The following MTUS2 variants were observed in gnomAD, a reference collection of about 807,000 sequenced individuals.
The protein encoded by MTUS2 is microtubule associated scaffold protein 2.
In MTUS2, 40 loss-of-function variants were observed where a neutral mutation model predicts 114.1. The ratio of observed to expected loss-of-function variants is 0.35; its 90% CI spans 0.27 to 0.46. The LOEUF (loss-of-function observed/expected upper bound fraction) is 0.46, where lower values mean the gene tolerates loss of function less well. Ranked by LOEUF, MTUS2 falls within the 20% of genes least tolerant of loss-of-function variation. MTUS2 has a pLI of 1.00. For missense variants in MTUS2, 1,679 were observed against 1,705.4 expected, an observed-to-expected ratio of 0.98 and a Z score of 0.27; for synonymous variants, 688 against 672.0, an observed-to-expected ratio of 1.02 and a Z score of -0.37.
At position 29,016,647 on chromosome 13, in the gene MTUS2, T is replaced by G. The variant is rs554907426; in HGVS notation, c.-242-7810T>G. Among the ~76,000 whole-genome samples, 10 of 152,280 alleles carry G rather than the reference T, an allele frequency of 6.6e-5. No homozygotes were observed. The South Asian group carries it at 1.0e-3, about 16-fold the overall frequency. On this transcript the variant is annotated intron_variant, in intron 2 of 15. Transcript: ENST00000612955. ...TTCTACCCTACTCTTCTTTACTACTTTCTACTCATTTTATGTAAAATAAAA... is the reference window on the plus strand; with the variant it reads ...TTCTACCCTACTCTTCTTTACTACTGTCTACTCATTTTATGTAAAATAAAA...
chr13:28,956,431 A>G (rs1478043298), intron 2 of MTUS2, among the ~76,000 whole-genome samples: 1 of 152,018 alleles, frequency 6.6e-6, no homozygotes, highest in Non-Finnish European at 1.5e-5. Flanking sequence ...CTCCACCCCC[A>G]CTGGAGGTTG....
intron 2 of MTUS2, among the ~76,000 whole-genome samples, chr13:28,899,425 T>G (rs760289887): frequency 1.3e-5 from 2 of 152,244 alleles, no homozygotes; most frequent in Admixed American, 6.5e-5. Flanking sequence ...TTTCTTTTTT[T>G]TTGAGACATA....
chr13:28,990,993 G>T (rs537058493), intron 2 of MTUS2, among the ~76,000 whole-genome samples: 1 of 152,260 alleles, frequency 6.6e-6, no homozygotes, highest in Non-Finnish European at 1.5e-5. Context: ...TGAAGTCAGC[G>T]AGACCAACAA....
intron 5 of MTUS2, among the ~76,000 whole-genome samples, chr13:29,200,156 CT>C (rs1025748570): frequency 2.0e-5 from 3 of 151,520 alleles, no homozygotes; most frequent in Non-Finnish European, 2.9e-5. Flanking sequence ...GATTCATTGA[CT>C]TTTTTTTAAG....
intron 5 of MTUS2, among the ~76,000 whole-genome samples, chr13:29,145,240 G>A (rs1175394742): frequency 6.6e-6 from 1 of 152,134 alleles, no homozygotes; most frequent in Non-Finnish European, 1.5e-5. Context: ...TCATAAATGA[G>A]TAAGGACACA....
chr13:28,872,490 A>C (rs9550409), intron 2 of MTUS2, among the ~76,000 whole-genome samples: 22,475 of 152,190 alleles, frequency 0.15, 1,902 homozygotes, highest in African/African-American at 0.21. Context: ...TATAAAGGAA[A>C]AAATATTTAT....
intron 8 of MTUS2, among the ~76,000 whole-genome samples, chr13:29,360,971 A>G (rs931471566): frequency 1.3e-5 from 2 of 152,188 alleles, no homozygotes; most frequent in African/African-American, 4.8e-5. Context: ...GGACAAAGCA[A>G]TAGATATTGA....
intron 9 of MTUS2, among the ~76,000 whole-genome samples, chr13:29,479,517 T>C (rs1880985561): frequency 6.6e-6 from 1 of 151,974 alleles, no homozygotes; most frequent in South Asian, 2.1e-4. Context: ...TGATTAGGGG[T>C]GGAGTGTCTA....
chr13:28,852,001 AC>A (rs1566176934), intron 2 of MTUS2, among the ~76,000 whole-genome samples: 1 of 151,310 alleles, frequency 6.6e-6, no homozygotes. Flanking sequence ...CGGGACTTGA[AC>A]CCCACATCTA....
Position 29,034,031 on chromosome 13 carries a change from G to T in MTUS2, c.2352G>T (p.Arg784Ser). The T allele has an allele frequency of 1.9e-6, 3 of 1,613,962 alleles. No individual in the cohort carries two copies. Among genetic ancestry groups the T allele is most frequent in the Non-Finnish European group, 2.5e-6 (3 of 1,179,896 alleles). Residue 784 changes from arginine (R) to serine (S), a missense_variant, in exon 4 of 16, where the codon AGG (arginine) becomes AGT (serine). Physicochemically the swap from Arg to Ser is moderately radical, Grantham distance 110. Coordinates refer to ENST00000612955, the MANE Select transcript of MTUS2 (RefSeq NM_001033602.4). ...AMSRLPSAKS[R>S]ILIASQRSSA... ...CCCGTTTACCATCTGCAAAGAGCAG[G>T]ATTCTGATTGCAAGTCAGAGGTCTT... is the stretch of plus-strand genomic sequence containing the variant.
intron 5 of MTUS2, among the ~76,000 whole-genome samples, chr13:29,149,558 T>A (rs1285316215): frequency 6.6e-6 from 1 of 152,188 alleles, no homozygotes; most frequent in Non-Finnish European, 1.5e-5. Flanking sequence ...TTTTTCTTGC[T>A]ATTGCTTTTG....
chr13:29,347,436 T>A (rs1868806252), intron 7 of MTUS2, among the ~76,000 whole-genome samples: 1 of 149,696 alleles, frequency 6.7e-6, no homozygotes, highest in South Asian at 2.1e-4. Context: ...GAAGTGTATG[T>A]TTAGTTTGCA....
intron 5 of MTUS2, among the ~76,000 whole-genome samples, chr13:29,254,629 C>T (rs527961467): frequency 3.9e-5 from 6 of 152,352 alleles, no homozygotes; most frequent in South Asian, 2.1e-4. Flanking sequence ...ATACCATTAA[C>T]GAAGAATTTT....
rs577935861 is a variant in MTUS2 at position 29,295,340 on chromosome 13, A to G, written c.2806+13475A>G. On this transcript the variant is annotated intron_variant, in intron 6 of 15. Coordinates refer to ENST00000612955, the MANE Select transcript of MTUS2 (RefSeq NM_001033602.4). ...AATTGTTGTTAATTACAGTCATCTTATAGTGCCATAGAACACTAGAACTTA... is the reference window on the plus strand; with the variant it reads ...AATTGTTGTTAATTACAGTCATCTTGTAGTGCCATAGAACACTAGAACTTA... Among the ~76,000 whole-genome samples the G allele has an allele frequency of 2.1e-3, 313 of 152,252 alleles. 1 individual carries two copies. Among genetic ancestry groups the G allele is most frequent in the African/African-American group, 6.9e-3 (287 of 41,548 alleles).
chr13:28,944,358 T>C (rs7992660), intron 2 of MTUS2, among the ~76,000 whole-genome samples: 9,292 of 152,218 alleles, frequency 0.061, 954 homozygotes, highest in African/African-American at 0.21. Flanking sequence ...TTCTGTTTTA[T>C]TTTTTTCTAC....
chr13:29,086,132 G>GT (rs1234901530), intron 4 of MTUS2, among the ~76,000 whole-genome samples: 1 of 152,038 alleles, frequency 6.6e-6, no homozygotes, highest in African/African-American at 2.4e-5. Flanking sequence ...AATGAGGTTT[G>GT]TTTCTTGCTT....
At chr13:29,298,842 A>C (rs1307461486) in intron 6 of MTUS2, among the ~76,000 whole-genome samples, 1 of 152,208 alleles carries the variant, frequency 6.6e-6, no homozygotes, top group Non-Finnish European at 1.5e-5. Context: ...GGGAGTGTTC[A>C]GGAATCTCCC....
chr13:29,416,527 T>C (rs1279297292), intron 8 of MTUS2, among the ~76,000 whole-genome samples: 2 of 151,744 alleles, frequency 1.3e-5, no homozygotes, highest in Non-Finnish European at 2.9e-5. Flanking sequence ...TTATATATGC[T>C]AATATCAGTC....
At chr13:29,238,181 G>A (rs771553673) in intron 5 of MTUS2, among the ~76,000 whole-genome samples, 5 of 152,144 alleles carry the variant, frequency 3.3e-5, no homozygotes, top group Admixed American at 6.5e-5. Context: ...TGACAGATAC[G>A]TGAATTAAAA....
Sources: allele counts gnomAD v4.1 joint callset (sites outside exome capture counted in the v4.1 genomes callset), GRCh38; gene constraint gnomAD v4.1.1; transcripts MANE v1.5; gene names NCBI Gene and HGNC (gene_info 2026-07-23, HGNC 2026-07-21).